SHCBP1L: variants seen among roughly 807,000 people sequenced by gnomAD.
SHCBP1L encodes SHC binding and spindle associated 1 like.
Under a neutral mutation model 62.5 loss-of-function variants are expected in SHCBP1L, and 67 were observed. The observed-to-expected ratio is 1.07, with a 90% CI of 0.88 to 1.31. SHCBP1L has a LOEUF of 1.31. SHCBP1L is among the 40% of genes most tolerant of loss of function. The pLI is 0.00. For missense variants in SHCBP1L, 823 were observed against 809.8 expected (o/e 1.02, Z -0.20); for synonymous variants, 284 against 289.4 (o/e 0.98, Z 0.19).
chr1:182,916,571 A>G (rs1047722830), intron 6 of SHCBP1L, among the ~76,000 whole-genome samples: 1 of 152,200 alleles, frequency 6.6e-6, no homozygotes, highest in Non-Finnish European at 1.5e-5. Context: ...CTATGATTAT[A>G]CTATCATTAT....
At chr1:182,907,357 C>G (rs1272407300) in intron 6 of SHCBP1L, among the ~76,000 whole-genome samples, 1 of 148,594 alleles carries the variant, frequency 6.7e-6, no homozygotes, top group Admixed American at 6.7e-5. Flanking sequence ...CGCTTGAACC[C>G]GGGAGGCAGA....
intron 5 of SHCBP1L, among the ~76,000 whole-genome samples, chr1:182,936,417 G>A (rs1351778473): frequency 2.0e-5 from 3 of 152,006 alleles, no homozygotes; most frequent in Non-Finnish European, 2.9e-5. Flanking sequence ...TTACAGGTAT[G>A]AGCCACCACA....
intron 6 of SHCBP1L, among the ~76,000 whole-genome samples, chr1:182,909,519 G>A (rs879682370): frequency 6.6e-6 from 1 of 152,156 alleles, no homozygotes; most frequent in African/African-American, 2.4e-5. Flanking sequence ...CATGGAAGGA[G>A]GAAGTACAGT....
At chr1:182,908,992 T>C (rs1650098445) in intron 6 of SHCBP1L, among the ~76,000 whole-genome samples, 1 of 152,242 alleles carries the variant, frequency 6.6e-6, no homozygotes, top group Non-Finnish European at 1.5e-5. Context: ...CAGATATATG[T>C]AAAATTCCTA....
chr1:182,906,375 T>C (rs1330621800), intron 6 of SHCBP1L, among the ~76,000 whole-genome samples: 2 of 152,180 alleles, frequency 1.3e-5, no homozygotes, highest in Non-Finnish European at 2.9e-5. Flanking sequence ...TCCCTATGTA[T>C]CATTTTGTTT....
intron 5 of SHCBP1L, among the ~76,000 whole-genome samples, chr1:182,932,051 C>T (rs546927102): frequency 7.4e-4 from 100 of 136,000 alleles, no homozygotes; most frequent in Non-Finnish European, 1.2e-3. Flanking sequence ...AGATTGGCTT[C>T]TTTCACTTAG....
intron 2 of SHCBP1L, among the ~76,000 whole-genome samples, chr1:182,940,994 G>C (rs560705557): frequency 1.3e-5 from 2 of 151,984 alleles, no homozygotes. Context: ...TGGGACTACA[G>C]GAACATGCCA....
At chr1:182,920,682 A>G (rs1378153431) in intron 6 of SHCBP1L, among the ~76,000 whole-genome samples, 1 of 152,186 alleles carries the variant, frequency 6.6e-6, no homozygotes. Context: ...ACAATACAAG[A>G]GCTGGAAGAT....
chr1:182,952,697 G>C (rs376709717), intron 1 of SHCBP1L, 32 bp downstream of exon 1: 2 of 1,562,192 alleles, frequency 1.3e-6, no homozygotes, highest in African/African-American at 1.4e-5. Flanking sequence ...ACGAGCTTCC[G>C]ACCGTAGTCT....
rs548877543 is a variant in SHCBP1L, at chr1:182,940,702, A to G, written c.556-159T>C. 6.6e-5 allele frequency among the ~76,000 whole-genome samples: 10 copies of G among 152,370 alleles called. No homozygotes were observed. The South Asian group carries it at 2.1e-3, about 32-fold the overall frequency. ...GAATAATTATAGATCAATATTAAAT[A>G]TACTACCAATAGTTTTACAAACCCT... On this transcript the variant is annotated intron_variant, in intron 2 of 9. Transcript: ENST00000367547.
chr1:182,920,049 G>A (rs1229650790), intron 6 of SHCBP1L, among the ~76,000 whole-genome samples: 1 of 152,132 alleles, frequency 6.6e-6, no homozygotes, highest in Non-Finnish European at 1.5e-5. Flanking sequence ...CACCCTCGCT[G>A]GCACCCTGCC....
chr1:182,935,560 T>A (rs1384203208), intron 5 of SHCBP1L, among the ~76,000 whole-genome samples: 2 of 152,220 alleles, frequency 1.3e-5, no homozygotes, highest in Non-Finnish European at 2.9e-5. Context: ...TTTTTGATTC[T>A]TTGGGATTTT....
At chr1:182,944,244 A>G (rs989233771) in intron 2 of SHCBP1L, 5 of 152,304 alleles carry the variant, frequency 3.3e-5, no homozygotes, top group African/African-American at 1.2e-4. Context: ...TGTCTCTACT[A>G]AAAATACAAA....
chr1:182,904,320 C>T lies in SHCBP1L; in HGVS notation c.1447G>A (p.Gly483Arg). The T allele has an allele frequency of 6.2e-7, 1 of 1,614,180 alleles. No homozygotes were observed. Among genetic ancestry groups the T allele is most frequent in the South Asian group, 1.1e-5 (1 of 91,086 alleles). The change falls in exon 8 of 10, where the codon GGG (glycine) becomes AGG (arginine). Residue 483 changes from glycine (G) to arginine (R), a missense_variant. By Grantham distance (125) the Gly-to-Arg change is moderately radical. Transcript: ENST00000367547. ...KLMHLSLIQQ[G>R]TVDGIVVVES... ...ACCACCACGATACCATCAACCGTCCCTTGTTGTATCAAAGATAGATGCATT... is the reference window on the plus strand; with the variant it reads ...ACCACCACGATACCATCAACCGTCCTTTGTTGTATCAAAGATAGATGCATT...
At chr1:182,906,881 G>A (rs1190783842) in intron 6 of SHCBP1L, among the ~76,000 whole-genome samples, 3 of 151,788 alleles carry the variant, frequency 2.0e-5, no homozygotes, top group African/African-American at 2.4e-5. Flanking sequence ...GCAGTGGCAC[G>A]ATCATGGCTC....
At chr1:182,905,441 C>A in intron 7 of SHCBP1L, 55 bp downstream of exon 7, 1 of 1,525,436 alleles carries the variant, frequency 6.6e-7, no homozygotes, top group Non-Finnish European at 8.9e-7. Context: ...TTAGAATACA[C>A]AATTTGTCCA....
intron 6 of SHCBP1L, among the ~76,000 whole-genome samples, chr1:182,908,441 A>G (rs1255230623): frequency 6.6e-6 from 1 of 152,184 alleles, no homozygotes; most frequent in African/African-American, 2.4e-5. Flanking sequence ...ACTGCAAAGG[A>G]CATGATTTCA....
At chr1:182,905,782 G>C in intron 6 of SHCBP1L, 133 bp from the exon 7 acceptor site, 1 of 765,636 alleles carries the variant, frequency 1.3e-6, no homozygotes, top group South Asian at 2.0e-5. Context: ...TTTATTAAAT[G>C]CTCAAAGTAT....
intron 5 of SHCBP1L, among the ~76,000 whole-genome samples, chr1:182,930,572 TATATATATATATATATATATATACAC>T (rs1557999333): frequency 1.6e-5 from 2 of 127,336 alleles, no homozygotes; most frequent in Admixed American, 1.7e-4. Context: ...TATATATATA[TATATATATATATATATATATATACAC>T]ATATATACAT....
Sources: allele counts gnomAD v4.1 joint callset (sites outside exome capture counted in the v4.1 genomes callset), GRCh38; gene constraint gnomAD v4.1.1; transcripts MANE v1.5; gene names NCBI Gene and HGNC (gene_info 2026-07-23, HGNC 2026-07-21).